The following ADNP variants were observed in gnomAD, a reference collection of about 807,000 sequenced individuals.
The protein encoded by ADNP is activity-dependent neuroprotector homeobox protein.
ADNP carries 4 observed loss-of-function variants against 84.9 expected under a neutral mutation model. The ratio of observed to expected loss-of-function variants is 0.05; its 90% CI spans 0.02 to 0.11. The LOEUF is 0.11. Ranked by LOEUF, ADNP falls within the 10% of genes least tolerant of loss-of-function variation. The pLI is 1.00. For synonymous variants in ADNP, 554 were observed against 468.1 expected (o/e 1.18, Z -2.37); for missense variants, 1,132 against 1,326.0 (o/e 0.85, Z 2.27).
rs1980544914 is a variant in ADNP, at chr20:50,890,234, A to G, written c.*1171T>C. On this transcript the variant is annotated 3_prime_UTR_variant, in exon 6 of 6. Transcript: ENST00000621696. ...GCAGATGACAGATCTTGGGTTTTCCACAAGTTTCCTCTGTGACTGTGGCTG... is the reference window on the plus strand; with the variant it reads ...GCAGATGACAGATCTTGGGTTTTCCGCAAGTTTCCTCTGTGACTGTGGCTG... 4.8e-6 allele frequency: 1 copy of G among 207,472 alleles called. No homozygotes were observed. Among genetic ancestry groups the G allele is most frequent in the Non-Finnish European group, 9.6e-6 (1 of 104,696 alleles). 12.9% of individuals were successfully genotyped at this position (207,472 alleles called of 1,614,324 possible).
At chr20:50,918,028 G>A (rs943155344) in intron 2 of ADNP, among the ~76,000 whole-genome samples, 8 of 152,162 alleles carry the variant, frequency 5.3e-5, no homozygotes, top group African/African-American at 1.9e-4. Flanking sequence ...AAGTAAAATG[G>A]TGGTTGCCAG....
At chr20:50,901,241 C>G (rs1402680310) in intron 5 of ADNP, among the ~76,000 whole-genome samples, 1 of 139,454 alleles carries the variant, frequency 7.2e-6, no homozygotes, top group African/African-American at 2.7e-5. Flanking sequence ...ATTGATAAAA[C>G]TGAATTAAAT....
At chr20:50,895,546 T>C (rs2122772117) in intron 5 of ADNP, among the ~76,000 whole-genome samples, 1 of 152,208 alleles carries the variant, frequency 6.6e-6, no homozygotes, top group South Asian at 2.1e-4. Context: ...CTACACAAGT[T>C]TTACTAAAAA....
In ADNP at chr20:50,891,864, G is replaced by A. The variant is rs777909404; in HGVS notation, c.2850C>T (p.His950=). ...HLTEEPTKLM[H]NASDSEVDQD... ...GGTCAACCTCACTATCAGATGCATT[G>A]TGCATTAGTTTGGTTGGTTCCTCAG... Residue 950 remains histidine, a synonymous_variant, in exon 6 of 6, where the codon CAC becomes CAT. Coordinates refer to ENST00000621696, the MANE Select transcript of ADNP (RefSeq NM_001282531.3). 1.2e-6 allele frequency: 2 copies of A among 1,614,092 alleles called. No individual in the cohort carries two copies. The highest frequency in any genetic ancestry group is 1.3e-5 in the African/African-American group (1 of 74,922).
At chr20:50,926,703 TACAC>T (rs1984311668) in intron 2 of ADNP, among the ~76,000 whole-genome samples, 1 of 152,194 alleles carries the variant, frequency 6.6e-6, no homozygotes, top group Admixed American at 6.5e-5. Flanking sequence ...TGTACATACA[TACAC>T]ACACCCAATT....
intron 2 of ADNP, among the ~76,000 whole-genome samples, chr20:50,906,389 G>A (rs1212303924): frequency 6.6e-6 from 1 of 152,200 alleles, no homozygotes; most frequent in African/African-American, 2.4e-5. Flanking sequence ...TTGTTTCTCT[G>A]TTCATTTCAT....
At chr20:50,908,634 C>T (rs768973379) in intron 2 of ADNP, among the ~76,000 whole-genome samples, 4 of 151,914 alleles carry the variant, frequency 2.6e-5, no homozygotes, top group East Asian at 1.9e-4. Flanking sequence ...ATTAGCTAGG[C>T]GTGGTGGTGG....
At chr20:50,911,741 T>C (rs1983060444) in intron 2 of ADNP, among the ~76,000 whole-genome samples, 1 of 152,120 alleles carries the variant, frequency 6.6e-6, no homozygotes, top group African/African-American at 2.4e-5. Context: ...AAGCATTTAC[T>C]AGTATCATCT....
intron 3 of ADNP, 135 bp downstream of exon 3, chr20:50,904,631 T>C (rs762412779): frequency 2.0e-5 from 3 of 152,244 alleles, no homozygotes; most frequent in Non-Finnish European, 4.4e-5. Context: ...ATAATTCTGA[T>C]AAGACTTAAC....
In ADNP at chr20:50,904,282, C is replaced by CA. The variant is rs1982270645; in HGVS notation, c.-5-282dup. On this transcript the variant is annotated intron_variant, in intron 3 of 5. Coordinates refer to ENST00000621696, the MANE Select transcript of ADNP (RefSeq NM_001282531.3). ...CATGGTTCATTGACTGCAGTGCACT[C>CA]ACGATTCACCATAGCCTCAACCTTC... is the stretch of plus-strand genomic sequence containing the variant. The CA allele has an allele frequency of 4.2e-5, 14 of 329,488 alleles. No individual in the cohort carries two copies. The South Asian group carries it at 5.4e-4, about 13-fold the overall frequency. 20.4% of individuals were successfully genotyped at this position (329,488 alleles called of 1,614,324 possible). A position where few individuals can be genotyped will look rare whatever the true frequency, so the allele number is the denominator to read the frequency against.
Position 50,892,324 on chromosome 20 carries a change from T to C in ADNP, c.2390A>G (p.Lys797Arg). 6.2e-7 allele frequency: 1 copy of C among 1,614,198 alleles called. No individual in the cohort carries two copies. The change falls in exon 6 of 6, where the codon AAG becomes AGG. Residue 797 changes from lysine to arginine, a missense_variant. Coordinates refer to ENST00000621696, the MANE Select transcript of ADNP (RefSeq NM_001282531.3). ...EKLAASLWLWKSDIASHFSNK... is the reference protein window; with the variant it reads ...EKLAASLWLWRSDIASHFSNK... ...ACTAAAATGGGAAGCGATGTCACTC[T>C]TCCATAACCATAAACTGGCTGCTAG...
intron 1 of ADNP, among the ~76,000 whole-genome samples, chr20:50,929,687 C>G (rs1034396868): frequency 2.0e-5 from 3 of 151,956 alleles, no homozygotes; most frequent in African/African-American, 7.3e-5. Flanking sequence ...ATGCAGATTT[C>G]TAAAGAAACT....
chr20:50,890,033 C>T lies in ADNP; in HGVS notation c.*1372G>A, dbSNP rs1031293249. On this transcript the variant is annotated 3_prime_UTR_variant, in exon 6 of 6. Transcript: ENST00000621696. ...GCAAATTAATGCCAATCCATGTTTA[C>T]ATTTTTTTTTTTATCATTGAGACAT... 1.1e-5 allele frequency: 3 copies of T among 268,700 alleles called. No individual in the cohort carries two copies. In the East Asian group the frequency reaches 1.5e-4, roughly 13 times the overall value. The allele number at this position is 268,700 out of a possible 1,614,324, so 16.6% of individuals were successfully genotyped here. A position where few individuals can be genotyped will look rare whatever the true frequency, so the allele number is the denominator to read the frequency against.
chr20:50,927,751 G>C (rs1404032877), intron 2 of ADNP, among the ~76,000 whole-genome samples: 3 of 152,166 alleles, frequency 2.0e-5, no homozygotes, highest in African/African-American at 7.2e-5. Flanking sequence ...TAGAATACAT[G>C]CTTTCTAAGA....
chr20:50,926,752 T>C (rs970179444), intron 2 of ADNP, among the ~76,000 whole-genome samples: 14 of 152,318 alleles, frequency 9.2e-5, no homozygotes, highest in Admixed American at 2.6e-4. Context: ...TTGCAATTTA[T>C]GCAGTTTTGT....
At chr20:50,917,731 C>T (rs1284008752) in intron 2 of ADNP, among the ~76,000 whole-genome samples, 4 of 152,232 alleles carry the variant, frequency 2.6e-5, no homozygotes, top group African/African-American at 7.2e-5. Context: ...AATTGGGAAG[C>T]GGGAACACAG....
At chr20:50,904,179 A>G (rs1982255633) in intron 3 of ADNP, 178 bp from the exon 4 acceptor site, 3 of 586,296 alleles carry the variant, frequency 5.1e-6, no homozygotes, top group Non-Finnish European at 6.1e-6. Flanking sequence ...ATGGCTTGAT[A>G]TATCCATCCA....
chr20:50,897,853 C>T (rs144230891), intron 5 of ADNP, among the ~76,000 whole-genome samples: 110 of 152,320 alleles, frequency 7.2e-4, no homozygotes, highest in African/African-American at 2.5e-3. Context: ...TTCTCCACTT[C>T]GCAGGCATAT....
chr20:50,909,363 C>CAAAAAGAAAAAAAAAA (rs1982811125), intron 2 of ADNP: 1 of 44,354 alleles, frequency 2.3e-5, no homozygotes, highest in Non-Finnish European at 4.0e-5. Context: ...AAAACTGTCT[C>CAAAAAGAAAAAAAAAA]AAAAAAAAAA....
Sources: allele counts gnomAD v4.1 joint callset (sites outside exome capture counted in the v4.1 genomes callset), GRCh38; gene constraint gnomAD v4.1.1; transcripts MANE v1.5; gene names NCBI Gene and HGNC (gene_info 2026-07-23, HGNC 2026-07-21).